The following ZCCHC7 variants were observed in gnomAD, a reference collection of about 807,000 sequenced individuals.
ZCCHC7 encodes the protein zinc finger CCHC-type containing 7.
ZCCHC7 carries 35 observed loss-of-function variants against 52.0 expected under a neutral mutation model. The ratio of observed to expected loss-of-function variants is 0.67; its 90% CI spans 0.51 to 0.89. The LOEUF (loss-of-function observed/expected upper bound fraction) is 0.89. Among genes scored for constraint, ZCCHC7 ranks in the 40% least tolerant of loss-of-function variants. The pLI, the probability that ZCCHC7 is intolerant of heterozygous loss-of-function variation, is 0.00. For missense variants in ZCCHC7, 574 were observed against 649.1 expected, an observed-to-expected ratio of 0.88 and a Z score of 1.26; for synonymous variants, 217 against 221.5, an observed-to-expected ratio of 0.98 and a Z score of 0.18.
At chr9:37,247,730 G>A (rs890781162) in intron 2 of ZCCHC7, among the ~76,000 whole-genome samples, 1 of 151,822 alleles carries the variant, frequency 6.6e-6, no homozygotes, top group Non-Finnish European at 1.5e-5. Context: ...GCAACACAGG[G>A]AGACCCCATC....
Position 37,126,769 on chromosome 9 carries a change from C to A in ZCCHC7, c.437C>A (p.Ser146Ter). 1 of 1,614,094 alleles carries A rather than the reference C, an allele frequency of 6.2e-7. No individual in the cohort carries two copies. Among genetic ancestry groups the A allele is most frequent in the Non-Finnish European group, 8.5e-7 (1 of 1,180,006 alleles). Residue 146 changes from serine (S) to a stop codon, truncating the protein, a stop_gained, in exon 2 of 9, where the codon TCA becomes TAA. Transcript: ENST00000336755. LOFTEE classifies it high-confidence loss of function. ...GAGAAGCCTAAATCTGAAGAGAGAT[C>A]AGGTGTAATCCGAGAGGTCATGATT... ...DIEKPKSEERSGVIREVMIIE... is the reference protein window; with the variant it reads ...DIEKPKSEER
At chr9:37,305,465 A>G in intron 4 of ZCCHC7, 79 bp from the exon 5 acceptor site, 1 of 1,517,034 alleles carries the variant, frequency 6.6e-7, no homozygotes, top group Admixed American at 2.0e-5. Flanking sequence ...AGATTTTTTT[A>G]TGGGATTATA....
chr9:37,252,430 T>C (rs967509638), intron 2 of ZCCHC7, among the ~76,000 whole-genome samples: 3 of 152,194 alleles, frequency 2.0e-5, no homozygotes, highest in African/African-American at 7.2e-5. Flanking sequence ...CAATTTAATA[T>C]ACTTAATATA....
intron 6 of ZCCHC7, among the ~76,000 whole-genome samples, chr9:37,346,022 G>A (rs960965362): frequency 2.0e-5 from 3 of 151,984 alleles, no homozygotes; most frequent in Non-Finnish European, 2.9e-5. Context: ...TGTTTTTTGC[G>A]ACAGAGTTTC....
At chr9:37,257,639 A>C (rs1240047200) in intron 2 of ZCCHC7, among the ~76,000 whole-genome samples, 1 of 150,482 alleles carries the variant, frequency 6.6e-6, no homozygotes, top group Non-Finnish European at 1.5e-5. Flanking sequence ...TTTTAGTTTT[A>C]ATGTCTAGTA....
intron 2 of ZCCHC7, among the ~76,000 whole-genome samples, chr9:37,137,957 A>G (rs1037634927): frequency 3.3e-5 from 5 of 152,242 alleles, no homozygotes; most frequent in Admixed American, 3.3e-4. Context: ...TCATTAATGT[A>G]TAGTTTAATT....
At chr9:37,253,419 A>C (rs779285894) in intron 2 of ZCCHC7, among the ~76,000 whole-genome samples, 5 of 152,078 alleles carry the variant, frequency 3.3e-5, no homozygotes, top group Non-Finnish European at 7.4e-5. Flanking sequence ...TGATAAGTCT[A>C]AGACATTGAA....
At chr9:37,183,146 A>T (rs1330317299) in intron 2 of ZCCHC7, among the ~76,000 whole-genome samples, 2 of 152,236 alleles carry the variant, frequency 1.3e-5, no homozygotes, top group African/African-American at 2.4e-5. Flanking sequence ...TTTTCTTGGC[A>T]CTTTTAGATT....
At chr9:37,125,022 C>T (rs977064240) in intron 1 of ZCCHC7, among the ~76,000 whole-genome samples, 7 of 152,104 alleles carry the variant, frequency 4.6e-5, no homozygotes, top group African/African-American at 1.4e-4. Flanking sequence ...CAGCTGATTT[C>T]TTTATTTTTA....
intron 2 of ZCCHC7, among the ~76,000 whole-genome samples, chr9:37,172,553 G>T (rs755815656): frequency 7.9e-5 from 12 of 152,200 alleles, no homozygotes; most frequent in Admixed American, 3.9e-4. Flanking sequence ...TCTTGCAGTG[G>T]TTCATAAAGT....
intron 1 of ZCCHC7, among the ~76,000 whole-genome samples, chr9:37,122,839 A>G (rs1459662184): frequency 6.6e-6 from 1 of 152,206 alleles, no homozygotes; most frequent in Non-Finnish European, 1.5e-5. Context: ...TGGGAGGCGG[A>G]GGCAGGAGAA....
At chr9:37,274,982 C>T (rs953548085) in intron 2 of ZCCHC7, among the ~76,000 whole-genome samples, 5 of 152,292 alleles carry the variant, frequency 3.3e-5, no homozygotes, top group South Asian at 2.1e-4. Flanking sequence ...ACGTGATTGA[C>T]TGTTCATGTA....
chr9:37,172,721 A>G (rs1420377421), intron 2 of ZCCHC7, among the ~76,000 whole-genome samples: 2 of 149,644 alleles, frequency 1.3e-5, no homozygotes, highest in Non-Finnish European at 3.0e-5. Context: ...GAGAGACTTC[A>G]GTGAGCATCG....
chr9:37,280,881 T>C (rs1032016713), intron 2 of ZCCHC7, among the ~76,000 whole-genome samples: 1 of 152,022 alleles, frequency 6.6e-6, no homozygotes, highest in African/African-American at 2.4e-5. Flanking sequence ...TCTTTTTTTA[T>C]CCTCTTAATT....
chr9:37,341,052 TA>T (rs1169800016), intron 6 of ZCCHC7, among the ~76,000 whole-genome samples: 1 of 152,138 alleles, frequency 6.6e-6, no homozygotes, highest in Non-Finnish European at 1.5e-5. Flanking sequence ...GAGATTCCTT[TA>T]AAATAAAATA....
chr9:37,336,441 C>G (rs2118368628), intron 6 of ZCCHC7, among the ~76,000 whole-genome samples: 2 of 152,148 alleles, frequency 1.3e-5, no homozygotes, highest in South Asian at 2.1e-4. Flanking sequence ...GAATTCCCTG[C>G]CTTTGTGATC....
chr9:37,180,478 A>G (rs906625082), intron 2 of ZCCHC7, among the ~76,000 whole-genome samples: 2 of 152,102 alleles, frequency 1.3e-5, no homozygotes, highest in Admixed American at 6.5e-5. Flanking sequence ...GTAAAACACT[A>G]TTTGTTTTCT....
At chr9:37,152,114 T>C (rs986575213) in intron 2 of ZCCHC7, among the ~76,000 whole-genome samples, 1 of 152,218 alleles carries the variant, frequency 6.6e-6, no homozygotes, top group Non-Finnish European at 1.5e-5. Context: ...AGAATTTCTC[T>C]CCCTGGAGTG....
At chr9:37,200,240 C>T (rs1192404898) in intron 2 of ZCCHC7, among the ~76,000 whole-genome samples, 1 of 151,962 alleles carries the variant, frequency 6.6e-6, no homozygotes, top group Non-Finnish European at 1.5e-5. Flanking sequence ...TTTCAACTCT[C>T]CTCCTTTTTT....
Sources: gnomAD v4.1 joint callset for allele counts (sites outside exome capture counted in the v4.1 genomes callset) on GRCh38, gnomAD v4.1.1 for gene constraint, MANE v1.5 for transcripts, NCBI Gene and HGNC (gene_info 2026-07-23, HGNC 2026-07-21) for gene names.